Variants in COL25A1 observed in about 807,000 individuals in gnomAD.
COL25A1 encodes the protein collagen type XXV alpha 1 chain, also known as collagen alpha-1(XXV) chain.
In COL25A1, 103 loss-of-function variants were observed where a neutral mutation model predicts 128.4. The ratio of observed to expected loss-of-function variants is 0.80; its 90% CI spans 0.68 to 0.94. The LOEUF (loss-of-function observed/expected upper bound fraction) is 0.94. COL25A1 is among the 40% of genes least tolerant of loss of function. The pLI is 0.00. For synonymous variants in COL25A1, 279 were observed against 277.2 expected (o/e 1.01, Z -0.06); for missense variants, 745 against 840.0 (o/e 0.89, Z 1.40).
intron 3 of COL25A1, among the ~76,000 whole-genome samples, chr4:109,161,224 C>T (rs1772549836): frequency 6.6e-6 from 1 of 152,100 alleles, no homozygotes; most frequent in Non-Finnish European, 1.5e-5. Context: ...TCCCTGGAGA[C>T]ATTGATTCTT....
chr4:109,187,537 C>T (rs568435646), intron 3 of COL25A1, among the ~76,000 whole-genome samples: 3 of 152,240 alleles, frequency 2.0e-5, no homozygotes, highest in Admixed American at 6.5e-5. Context: ...ATGCAAAATG[C>T]TAAAAACAGT....
rs550181442 is a variant in COL25A1 at position 108,877,095 on chromosome 4, C to T, written c.1020+7083G>A. Reference sequence around the variant, plus strand: ...CTGACAGTAAACTGCTGGGAGCAGCCGCAAGCTGAAAATCTGACACAGGCT... The same window carrying T: ...CTGACAGTAAACTGCTGGGAGCAGCTGCAAGCTGAAAATCTGACACAGGCT... On this transcript the variant is annotated intron_variant, in intron 19 of 37. Coordinates refer to ENST00000399132, the MANE Select transcript of COL25A1 (RefSeq NM_198721.4). Among the ~76,000 whole-genome samples, 12 of 152,246 alleles carry T rather than the reference C, an allele frequency of 7.9e-5. No individual in the cohort carries two copies. The South Asian group carries it at 2.3e-3, about 29-fold the overall frequency.
rs996223162 is a variant in COL25A1, at chr4:109,063,782, G to T, written c.368-13603C>A. ...AAATAAGACTGGATAAGTAAGCCCC[G>T]TCCAGATTATTAAAGTCCTCAAATG... is the stretch of plus-strand genomic sequence containing the variant. On this transcript the variant is annotated intron_variant, in intron 3 of 37. Coordinates refer to ENST00000399132, the MANE Select transcript of COL25A1 (RefSeq NM_198721.4). Among the ~76,000 whole-genome samples the T allele has an allele frequency of 5.3e-5, 8 of 152,056 alleles. No homozygotes were observed. In the East Asian group the frequency reaches 1.5e-3, roughly 29 times the overall value.
At chr4:108,894,024 A>AT (rs1160974581) in intron 16 of COL25A1, among the ~76,000 whole-genome samples, 1 of 152,182 alleles carries the variant, frequency 6.6e-6, no homozygotes, top group African/African-American at 2.4e-5. Flanking sequence ...AAACTTTTTG[A>AT]TAAAAAAAAG....
Position 109,171,251 on chromosome 4 carries a change from C to T in COL25A1, c.368-121072G>A, listed in dbSNP as rs901837801. ...AAAGTTCTCATTCCTTGTCTCACTT[C>T]ATTGACTTATAAAGATTGAGTAAAA... On this transcript the variant is annotated intron_variant, in intron 3 of 37. Transcript: ENST00000399132. Among the ~76,000 whole-genome samples, 10 of 152,318 alleles carry T rather than the reference C, an allele frequency of 6.6e-5. No individual in the cohort carries two copies. In the East Asian group the frequency reaches 1.9e-3, roughly 29 times the overall value.
At chr4:109,210,714 C>T (rs996927969) in intron 3 of COL25A1, among the ~76,000 whole-genome samples, 1 of 152,014 alleles carries the variant, frequency 6.6e-6, no homozygotes, top group Non-Finnish European at 1.5e-5. Context: ...GAGTCTCCTG[C>T]GATAATTAAG....
intron 5 of COL25A1, among the ~76,000 whole-genome samples, chr4:109,042,491 T>C (rs1314815227): frequency 6.6e-6 from 1 of 151,958 alleles, no homozygotes; most frequent in South Asian, 2.1e-4. Context: ...TTTGCTTCTA[T>C]GGTTTGTTAT....
intron 3 of COL25A1, among the ~76,000 whole-genome samples, chr4:109,142,810 A>T (rs1056089694): frequency 7.9e-5 from 12 of 152,034 alleles, no homozygotes; most frequent in Non-Finnish European, 1.6e-4. Context: ...GTCTTTGCAA[A>T]TGAGATGGGT....
At chr4:109,196,444 CAT>C (rs889722383) in intron 3 of COL25A1, among the ~76,000 whole-genome samples, 112 of 152,120 alleles carry the variant, frequency 7.4e-4, no homozygotes, top group African/African-American at 2.4e-3. Context: ...TGTTTGTAAA[CAT>C]ATATGTTTAC....
At chr4:108,901,035 G>A in intron 14 of COL25A1, 84 bp downstream of exon 14, 1 of 1,101,540 alleles carries the variant, frequency 9.1e-7, no homozygotes, top group Non-Finnish European at 1.4e-6. Flanking sequence ...TGGTGAGATT[G>A]TTAAAAATTG....
intron 3 of COL25A1, among the ~76,000 whole-genome samples, chr4:109,097,544 CA>C: frequency 6.6e-6 from 1 of 151,186 alleles, no homozygotes; most frequent in South Asian, 2.1e-4. Context: ...GCCCAGCAGG[CA>C]AAGGTTGCAG....
chr4:109,184,906 A>G (rs1774997548), intron 3 of COL25A1, among the ~76,000 whole-genome samples: 3 of 152,218 alleles, frequency 2.0e-5, no homozygotes, highest in Non-Finnish European at 4.4e-5. Context: ...CTGTTTTAGT[A>G]GAGATTAAAT....
chr4:109,302,186 TC>T lies in COL25A1; in HGVS notation c.-75del. On this transcript the variant is annotated 5_prime_UTR_variant, in exon 1 of 38. An upstream open reading frame in the 5' UTR loses its in-frame stop. Coordinates refer to ENST00000399132, the MANE Select transcript of COL25A1 (RefSeq NM_198721.4). ...ATACGGACCCCTGCCTTGCTCAGCG[TC>T]CAGACCCGCAGGCGTGCACCATCCC... 2.3e-6 allele frequency: 2 copies of T among 856,900 alleles called. No individual in the cohort carries two copies. The highest frequency in any genetic ancestry group is 3.5e-6 in the Non-Finnish European group (2 of 577,932). The allele number at this position is 856,900 out of a possible 1,614,324, so 53.1% of individuals were successfully genotyped here. A position where few individuals can be genotyped will look rare whatever the true frequency, so the allele number is the denominator to read the frequency against.
At chr4:108,869,250 G>T in intron 19 of COL25A1, 100 bp from the exon 20 acceptor site, 2 of 676,630 alleles carry the variant, frequency 3.0e-6, no homozygotes, top group Non-Finnish European at 4.7e-6. Context: ...CTTCTACTGA[G>T]ATTTTACTTC....
In COL25A1 at chr4:109,184,213, T is replaced by C. The variant is rs558322624; in HGVS notation, c.367+116370A>G. ...CAGGCACTTTAATTAACATTCATAT[T>C]TACTTTGTTGCTAAATGAAGGTAAA... On this transcript the variant is annotated intron_variant, in intron 3 of 37. Transcript: ENST00000399132. 5.9e-5 allele frequency among the ~76,000 whole-genome samples: 9 copies of C among 152,312 alleles called. No homozygotes were observed. The South Asian group carries it at 1.7e-3, about 28-fold the overall frequency.
At chr4:109,039,166 A>T (rs1333210385) in intron 5 of COL25A1, among the ~76,000 whole-genome samples, 1 of 151,748 alleles carries the variant, frequency 6.6e-6, no homozygotes, top group Admixed American at 6.6e-5. Flanking sequence ...CAATACCCTA[A>T]TCATCTCTCT....
chr4:109,203,454 A>G (rs979249291), intron 3 of COL25A1, among the ~76,000 whole-genome samples: 7 of 152,088 alleles, frequency 4.6e-5, no homozygotes, highest in African/African-American at 1.4e-4. Context: ...GCCTCCCCCA[A>G]AGAAGAAGAA....
At chr4:109,284,435 A>C (rs1364966595) in intron 3 of COL25A1, among the ~76,000 whole-genome samples, 2 of 152,214 alleles carry the variant, frequency 1.3e-5, no homozygotes, top group Admixed American at 1.3e-4. Flanking sequence ...GTCAAAAACA[A>C]GAAAAGAAAA....
chr4:108,957,617 G>A (rs1750217874), intron 8 of COL25A1, among the ~76,000 whole-genome samples: 1 of 152,178 alleles, frequency 6.6e-6, no homozygotes. Context: ...TGTAATCTTA[G>A]AACTGTCTAT....
Sources: gnomAD v4.1 joint callset for allele counts (sites outside exome capture counted in the v4.1 genomes callset) on GRCh38, gnomAD v4.1.1 for gene constraint, MANE v1.5 for transcripts, NCBI Gene and HGNC (gene_info 2026-07-23, HGNC 2026-07-21) for gene names.